Variants in PCDHA12 observed in about 807,000 individuals in gnomAD.
PCDHA12 encodes the protein protocadherin alpha 12.
PCDHA12 carries 44 observed loss-of-function variants against 60.0 expected under a neutral mutation model. The ratio of observed to expected loss-of-function variants is 0.73; its 90% CI spans 0.58 to 0.94. The LOEUF (loss-of-function observed/expected upper bound fraction) is 0.94. PCDHA12 is among the 40% of genes least tolerant of loss of function. PCDHA12 has a pLI of 0.00. For missense variants in PCDHA12, 1,276 were observed against 1,239.7 expected (o/e 1.03, Z -0.44); for synonymous variants, 569 against 553.0 (o/e 1.03, Z -0.40).
At chr5:140,914,778 T>G (rs942539067) in intron 1 of PCDHA12, among the ~76,000 whole-genome samples, 1 of 152,138 alleles carries the variant, frequency 6.6e-6, no homozygotes, top group African/African-American at 2.4e-5. Flanking sequence ...ATGACTTATC[T>G]TATGACCCAT....
chr5:140,912,101 A>G (rs781989328), intron 1 of PCDHA12, among the ~76,000 whole-genome samples: 2 of 152,194 alleles, frequency 1.3e-5, no homozygotes, highest in Non-Finnish European at 2.9e-5. Context: ...CAGGAGAAAG[A>G]TGTAGGCTGG....
At chr5:140,897,471 G>A (rs1260992963) in intron 1 of PCDHA12, among the ~76,000 whole-genome samples, 3 of 151,810 alleles carry the variant, frequency 2.0e-5, no homozygotes, top group Non-Finnish European at 4.4e-5. Flanking sequence ...AGTTTACTGA[G>A]AATGATGATT....
chr5:140,935,605 T>C (rs1554210594), intron 1 of PCDHA12, among the ~76,000 whole-genome samples: 4 of 152,228 alleles, frequency 2.6e-5, no homozygotes. Flanking sequence ...AGAGCTAGGC[T>C]TTTTTCAAGT....
chr5:140,944,191 G>C (rs181232402), intron 1 of PCDHA12, among the ~76,000 whole-genome samples: 1 of 151,980 alleles, frequency 6.6e-6, no homozygotes, highest in East Asian at 1.9e-4. Context: ...GGTTTGTTTT[G>C]TTTTGTTTTG....
chr5:140,929,437 A>G (rs533186503), intron 1 of PCDHA12: 1 of 1,453,986 alleles, frequency 6.9e-7, no homozygotes, highest in Non-Finnish European at 9.2e-7. Context: ...TGAACTAAAC[A>G]CTCCTTCTTA....
At chr5:140,967,768 T>C in intron 1 of PCDHA12, 4 of 1,614,182 alleles carry the variant, frequency 2.5e-6, no homozygotes, top group African/African-American at 1.3e-5. Flanking sequence ...ACCAGATCTA[T>C]GTGCAGGCGA....
Position 140,875,772 on chromosome 5 carries a change from G to T in PCDHA12, c.300G>T (p.Ala100=), listed in dbSNP as rs781933974. 1.2e-6 allele frequency: 2 copies of T among 1,614,136 alleles called. No homozygotes were observed. The highest frequency in any genetic ancestry group is 1.7e-6 in the Non-Finnish European group (2 of 1,180,050). The change falls in exon 1 of 4, where the codon GCG becomes GCT. Residue 100 remains alanine, a synonymous_variant. Coordinates refer to ENST00000398631, the MANE Select transcript of PCDHA12 (RefSeq NM_018903.4). ...IDREKLCGRS[A]ECSIHLEVIV... ...GCGAGAAGCTGTGCGGGCGGAGCGC[G>T]GAGTGCAGTATCCACCTGGAGGTGA...
chr5:140,875,744 A>G lies in PCDHA12; in HGVS notation c.272A>G (p.Asp91Gly). The G allele has an allele frequency of 1.2e-6, 2 of 1,614,206 alleles. No individual in the cohort carries two copies. The highest frequency in any genetic ancestry group is 1.7e-6 in the Non-Finnish European group (2 of 1,180,042). The change falls in exon 1 of 4, where the codon GAC becomes GGC. Residue 91 changes from aspartate (D) to glycine (G), a missense_variant. Asp to Gly is a moderately conservative substitution (Grantham distance 94, BLOSUM62 -1). Coordinates refer to ENST00000398631, the MANE Select transcript of PCDHA12 (RefSeq NM_018903.4). ...ATTTTGTTTGTGAATTCTCGGATCG[A>G]CCGCGAGAAGCTGTGCGGGCGGAGC... is the stretch of plus-strand genomic sequence containing the variant. ...NGILFVNSRI[D>G]REKLCGRSAE...
chr5:140,926,404 A>G (rs192980510), intron 1 of PCDHA12: 1 of 152,612 alleles, frequency 6.6e-6, no homozygotes, highest in African/African-American at 2.4e-5. Context: ...GTTATCAGCA[A>G]TCTGCGGGCA....
At chr5:140,928,666 T>C in intron 1 of PCDHA12, 8 of 1,614,212 alleles carry the variant, frequency 5.0e-6, no homozygotes, top group Non-Finnish European at 6.8e-6. Context: ...TGACAGTGGT[T>C]CTAATGCCTG....
At chr5:140,920,415 G>A (rs1229102806) in intron 1 of PCDHA12, among the ~76,000 whole-genome samples, 4 of 152,002 alleles carry the variant, frequency 2.6e-5, no homozygotes, top group Non-Finnish European at 5.9e-5. Flanking sequence ...ATCAGATACA[G>A]CTGTTCTCCC....
intron 1 of PCDHA12, among the ~76,000 whole-genome samples, chr5:140,897,966 T>C (rs1339473229): frequency 5.3e-5 from 8 of 152,276 alleles, no homozygotes; most frequent in African/African-American, 1.9e-4. Flanking sequence ...TTCATGTGTC[T>C]TTTGGCTGCA....
chr5:140,879,596 A>G (rs1324407694), intron 1 of PCDHA12, among the ~76,000 whole-genome samples: 1 of 152,240 alleles, frequency 6.6e-6, no homozygotes, highest in East Asian at 1.9e-4. Flanking sequence ...TGAAAAGTGA[A>G]AAACAATGTG....
rs781892888 is a variant in PCDHA12, at chr5:140,967,565, C to T, written c.2368-11384C>T. Reference sequence around the variant, plus strand: ...CCAGTCCACTTATCGCGTCCAGCTACGGGAGGACTCACCCCCAGGCACATT... The same window carrying T: ...CCAGTCCACTTATCGCGTCCAGCTATGGGAGGACTCACCCCCAGGCACATT... On this transcript the variant is annotated intron_variant, in intron 1 of 3. Transcript: ENST00000398631. The T allele has an allele frequency of 3.1e-6, 5 of 1,614,080 alleles. No individual in the cohort carries two copies. The highest frequency in any genetic ancestry group is 2.7e-5 in the African/African-American group (2 of 75,044).
At chr5:140,921,744 A>T (rs1554200416) in intron 1 of PCDHA12, among the ~76,000 whole-genome samples, 1 of 152,158 alleles carries the variant, frequency 6.6e-6, no homozygotes. Context: ...TATAAGCATA[A>T]CAGGACACTT....
At chr5:140,927,303 G>A (rs1554204320) in intron 1 of PCDHA12, 69 of 1,614,150 alleles carry the variant, frequency 4.3e-5, no homozygotes, top group Non-Finnish European at 5.7e-5. Context: ...CCGAGTTCCT[G>A]ACGCCCGGAG....
chr5:140,896,929 G>A (rs2065808653), intron 1 of PCDHA12, among the ~76,000 whole-genome samples: 2 of 152,106 alleles, frequency 1.3e-5, no homozygotes, highest in African/African-American at 4.8e-5. Flanking sequence ...ATCACATCAT[G>A]GAAAATGGAA....
intron 1 of PCDHA12, among the ~76,000 whole-genome samples, chr5:140,946,631 T>TATACATACAC (rs57893927): frequency 7.6e-6 from 1 of 131,846 alleles, no homozygotes; most frequent in Non-Finnish European, 1.5e-5. Context: ...TATATATATA[T>TATACATACAC]ACAATGGAAT....
intron 1 of PCDHA12, among the ~76,000 whole-genome samples, chr5:140,906,606 G>A (rs2072783004): frequency 6.6e-6 from 1 of 152,208 alleles, no homozygotes; most frequent in Non-Finnish European, 1.5e-5. Context: ...TACTCATTCT[G>A]TATTCCCTTT....
Sources: gnomAD v4.1 joint callset for allele counts (sites outside exome capture counted in the v4.1 genomes callset) on GRCh38, gnomAD v4.1.1 for gene constraint, MANE v1.5 for transcripts, NCBI Gene and HGNC (gene_info 2026-07-23, HGNC 2026-07-21) for gene names.